The following CD6 variants were observed in gnomAD, a reference collection of about 807,000 sequenced individuals.
CD6 encodes the protein CD6 molecule.
In CD6, 53 loss-of-function variants were observed where a neutral mutation model predicts 75.3. The ratio of observed to expected loss-of-function variants is 0.70; its 90% confidence interval spans 0.56 to 0.88. The LOEUF is 0.88. Among genes scored for constraint, CD6 ranks in the 40% least tolerant of loss-of-function variants. The pLI, the probability that CD6 is intolerant of heterozygous loss-of-function variation, is 0.00. For synonymous variants in CD6, 359 were observed against 381.5 expected (o/e 0.94, Z 0.69); for missense variants, 770 against 897.1 (o/e 0.86, Z 1.81).
intron 5 of CD6, 100 bp downstream of exon 5, chr11:61,009,974 C>A: frequency 1.7e-6 from 2 of 1,190,468 alleles, no homozygotes; most frequent in Non-Finnish European, 2.3e-6. Flanking sequence ...GGCACCAGAT[C>A]GGCAATGGCA....
At position 61,018,470 on chromosome 11, in the gene CD6, T is replaced by G. The variant is rs995161396; in HGVS notation, c.1942+77T>G. The G allele has an allele frequency of 6.8e-6, 6 of 883,404 alleles. No homozygotes were observed. In the African/African-American group the frequency reaches 1.5e-4, roughly 23 times the overall value. 54.7% of individuals were successfully genotyped at this position (883,404 alleles called of 1,614,324 possible). A position where few individuals can be genotyped will look rare whatever the true frequency, so the allele number is the denominator to read the frequency against. On this transcript the variant is annotated intron_variant, in intron 12 of 12. Coordinates refer to ENST00000313421, the MANE Select transcript of CD6 (RefSeq NM_006725.5). ...AGTAAATGAGTGGGGAACTATTGGA[T>G]GCATTCGCTCAAGGGGAAAAGGAGA... is the stretch of plus-strand genomic sequence containing the variant.
chr11:60,999,535 TATAAC>T (rs955678182), intron 1 of CD6, among the ~76,000 whole-genome samples: 22 of 151,914 alleles, frequency 1.4e-4, no homozygotes, highest in East Asian at 3.9e-4. Flanking sequence ...CAACCATACT[TATAAC>T]ATAACCCTGT....
intron 1 of CD6, among the ~76,000 whole-genome samples, chr11:60,994,081 C>T (rs1858175557): frequency 6.6e-6 from 1 of 152,150 alleles, no homozygotes; most frequent in South Asian, 2.1e-4. Context: ...CCTGGGCATG[C>T]ATGGAAGGTA....
intron 1 of CD6, among the ~76,000 whole-genome samples, chr11:60,995,126 T>G (rs547040503): frequency 1.6e-5 from 1 of 64,380 alleles, no homozygotes; most frequent in Non-Finnish European, 3.5e-5. Flanking sequence ...CGCATGCGTC[T>G]TTTTTTTTTT....
Position 61,017,738 on chromosome 11 carries a change from A to C in CD6, c.1583-21A>C, listed in dbSNP as rs750942556. On this transcript the variant is annotated intron_variant, in intron 10 of 12. Coordinates refer to ENST00000313421, the MANE Select transcript of CD6 (RefSeq NM_006725.5). ...TTGCTGCACTGCTTCTTTCGTCACC[A>C]TTCTCCCTTTCCTGCCTTAGGACTT... 9.9e-6 allele frequency: 16 copies of C among 1,613,484 alleles called. No individual in the cohort carries two copies. The East Asian group carries it at 3.3e-4, about 34-fold the overall frequency.
chr11:61,018,252 G>A (rs563036454), intron 11 of CD6, 37 bp from the exon 12 acceptor site: 114 of 1,517,610 alleles, frequency 7.5e-5, no homozygotes, highest in African/African-American at 2.3e-4. Flanking sequence ...AAGTGGCTGT[G>A]TGCTGGCAGA....
rs969985686 is a variant in CD6, at chr11:61,014,869, T to G, written c.1388-844T>G. ...ATCACCTTTATCGGAAAGAGTTCAA[T>G]GACATAAAAACCAATACAAAACTCA... On this transcript the variant is annotated intron_variant, in intron 8 of 12. Coordinates refer to ENST00000313421, the MANE Select transcript of CD6 (RefSeq NM_006725.5). Among the ~76,000 whole-genome samples, 5 of 152,290 alleles carry G rather than the reference T, an allele frequency of 3.3e-5. 1 individual carries two copies. Among genetic ancestry groups the G allele is most frequent in the Middle Eastern group, 6.8e-3 (2 of 294 alleles).
In CD6 at chr11:61,006,620, A is replaced by G. The variant is rs752539359; in HGVS notation, c.96A>G (p.Ala32=). Residue 32 remains alanine, a synonymous_variant, in exon 2 of 13, where the codon GCA becomes GCG. Transcript: ENST00000313421. ...CTGACCAGCTCAACACCAGCAGTGC[A>G]GAGAGTGAGCTCTGGGAGCCAGGTG... ...APPDQLNTSS[A]ESELWEPGER... The G allele has an allele frequency of 4.2e-5, 67 of 1,610,604 alleles. No individual in the cohort carries two copies. Among genetic ancestry groups the G allele is most frequent in the Non-Finnish European group, 5.7e-5 (67 of 1,178,624 alleles).
At position 61,018,740 on chromosome 11, in the gene CD6, C is replaced by A. The variant is rs59968998; in HGVS notation, c.1942+347C>A. The A allele has an allele frequency of 8.9e-3, 2,783 of 311,306 alleles. 81 individuals are homozygous for A. Among genetic ancestry groups the A allele is most frequent in the African/African-American group, 0.053 (2,546 of 47,692 alleles). 19.3% of individuals were successfully genotyped at this position (311,306 alleles called of 1,614,324 possible). Reference sequence around the variant, plus strand: ...GGCTGAGGTGGGAGGATCGTGTGAGCCCAGGAGATCCAGGCTGCAGTGAGC... The same window carrying A: ...GGCTGAGGTGGGAGGATCGTGTGAGACCAGGAGATCCAGGCTGCAGTGAGC... On this transcript the variant is annotated intron_variant, in intron 12 of 12. Transcript: ENST00000313421.
At chr11:61,006,475 A>G in intron 1 of CD6, 99 bp from the exon 2 acceptor site, 1 of 973,684 alleles carries the variant, frequency 1.0e-6, no homozygotes, top group Non-Finnish European at 1.6e-6. Context: ...TCATGTAGCC[A>G]CCACAGGCTC....
chr11:61,016,821 T>C (rs1392489362), intron 9 of CD6: 1 of 152,396 alleles, frequency 6.6e-6, no homozygotes, highest in African/African-American at 2.4e-5. Context: ...ACCCAGGGCT[T>C]CTGGGGGTGG....
At chr11:60,998,953 G>A (rs912071540) in intron 1 of CD6, among the ~76,000 whole-genome samples, 12 of 151,932 alleles carry the variant, frequency 7.9e-5, no homozygotes, top group African/African-American at 2.4e-5. Context: ...GAGGTCAGGA[G>A]TTCGAGACCA....
intron 1 of CD6, among the ~76,000 whole-genome samples, chr11:60,981,430 C>T (rs1857555810): frequency 6.6e-6 from 1 of 152,200 alleles, no homozygotes; most frequent in Non-Finnish European, 1.5e-5. Context: ...CCGCCCTTCC[C>T]CCAGGGACTT....
intron 9 of CD6, among the ~76,000 whole-genome samples, chr11:61,016,567 A>T (rs940975754): frequency 1.3e-5 from 2 of 152,190 alleles, no homozygotes; most frequent in African/African-American, 4.8e-5. Context: ...AGTCCCTAAG[A>T]TGTTGCCTTC....
intron 1 of CD6, among the ~76,000 whole-genome samples, chr11:61,000,785 C>A (rs895542771): frequency 2.0e-5 from 3 of 152,210 alleles, no homozygotes; most frequent in South Asian, 4.1e-4. Flanking sequence ...CAACAAGGCT[C>A]TTTCGTGCCT....
At chr11:61,013,848 C>G in intron 7 of CD6, 71 bp from the exon 8 acceptor site, 3 of 1,098,074 alleles carry the variant, frequency 2.7e-6, no homozygotes, top group Admixed American at 2.2e-5. Flanking sequence ...TCGATGAGAA[C>G]AGAACGGAAC....
intron 1 of CD6, among the ~76,000 whole-genome samples, chr11:60,992,440 G>C (rs980851573): frequency 6.6e-6 from 1 of 152,080 alleles, no homozygotes; most frequent in African/African-American, 2.4e-5. Flanking sequence ...TCTAACCCAG[G>C]CATGTTTAAT....
At chr11:61,006,102 A>G (rs1858843296) in intron 1 of CD6, among the ~76,000 whole-genome samples, 1 of 152,224 alleles carries the variant, frequency 6.6e-6, no homozygotes, top group Non-Finnish European at 1.5e-5. Context: ...GAAATTCTCA[A>G]ACAAATTCTA....
At chr11:60,976,894 C>T (rs1857384101) in intron 1 of CD6, among the ~76,000 whole-genome samples, 1 of 152,200 alleles carries the variant, frequency 6.6e-6, no homozygotes, top group Non-Finnish European at 1.5e-5. Context: ...TCTATTCTGA[C>T]CTCTTTTCAC....
Sources: allele counts gnomAD v4.1 joint callset (sites outside exome capture counted in the v4.1 genomes callset), GRCh38; gene constraint gnomAD v4.1.1; transcripts MANE v1.5; gene names NCBI Gene and HGNC (gene_info 2026-07-23, HGNC 2026-07-21).